Variants in POU6F2 observed in about 807,000 individuals in gnomAD.
POU6F2 encodes the protein POU domain, class 6, transcription factor 2.
In POU6F2, 31 loss-of-function variants were observed where a neutral mutation model predicts 71.3. That is an observed-to-expected ratio of 0.43 (90% CI 0.33 to 0.59). The LOEUF (loss-of-function observed/expected upper bound fraction) is 0.59, where lower values mean the gene tolerates loss of function less well. Ranked by LOEUF, POU6F2 falls within the 20% of genes least tolerant of loss-of-function variation. POU6F2 has a pLI of 0.04. For missense variants in POU6F2, 783 were observed against 856.8 expected (o/e 0.91, Z 1.07); for synonymous variants, 347 against 355.7 (o/e 0.98, Z 0.27).
chr7:39,430,397 C>A (rs1429465623), intron 6 of POU6F2, among the ~76,000 whole-genome samples: 1 of 152,208 alleles, frequency 6.6e-6, no homozygotes, highest in East Asian at 1.9e-4. Context: ...TCCTCTGGCT[C>A]TGACACTACT....
intron 5 of POU6F2, among the ~76,000 whole-genome samples, chr7:39,342,619 T>A (rs3823619): frequency 0.11 from 16,864 of 152,244 alleles, 1,176 homozygotes; most frequent in Non-Finnish European, 0.15. Flanking sequence ...AACAAAACTT[T>A]GGAGGACAAC....
At chr7:39,226,789 G>A (rs972689359) in intron 4 of POU6F2, among the ~76,000 whole-genome samples, 1 of 152,030 alleles carries the variant, frequency 6.6e-6, no homozygotes, top group African/African-American at 2.4e-5. Context: ...AGTGTTCTAG[G>A]AAAGAAAGGC....
chr7:39,341,393 C>T (rs560760949), intron 5 of POU6F2, among the ~76,000 whole-genome samples: 14 of 152,214 alleles, frequency 9.2e-5, no homozygotes, highest in Non-Finnish European at 1.9e-4. Flanking sequence ...GGTGAGACAA[C>T]GTAACACCTT....
chr7:39,390,124 A>T (rs2115830045), intron 5 of POU6F2, among the ~76,000 whole-genome samples: 1 of 152,324 alleles, frequency 6.6e-6, no homozygotes, highest in Middle Eastern at 3.4e-3. Context: ...AGCTGGGTGC[A>T]GTGGCTCACT....
intron 1 of POU6F2, among the ~76,000 whole-genome samples, chr7:39,012,470 T>G (rs1789320834): frequency 6.7e-6 from 1 of 149,996 alleles, no homozygotes; most frequent in Non-Finnish European, 1.5e-5. Context: ...TTGGTTTGAA[T>G]GTCCTCCCGT....
chr7:39,363,645 G>A (rs903542823), intron 5 of POU6F2, among the ~76,000 whole-genome samples: 2 of 148,706 alleles, frequency 1.3e-5, no homozygotes, highest in Admixed American at 6.8e-5. Flanking sequence ...AGAGAAATTG[G>A]CCTACGAGAT....
chr7:39,121,010 G>A (rs984462765), intron 2 of POU6F2: 6 of 148,786 alleles, frequency 4.0e-5, no homozygotes, highest in African/African-American at 1.2e-4. Context: ...TGTTACCCAC[G>A]GTGAAAAAAA....
chr7:39,230,463 G>A (rs1407399865), intron 4 of POU6F2, among the ~76,000 whole-genome samples: 1 of 150,910 alleles, frequency 6.6e-6, no homozygotes, highest in African/African-American at 2.4e-5. Context: ...CAGCCTGGGT[G>A]ACAGCATAAG....
chr7:38,989,827 T>TG (rs1788559667), intron 1 of POU6F2, among the ~76,000 whole-genome samples: 2 of 130,240 alleles, frequency 1.5e-5, no homozygotes, highest in East Asian at 2.5e-4. Flanking sequence ...GTGTGTGTGT[T>TG]TGTGTGTGTG....
At chr7:39,463,216 G>A in intron 9 of POU6F2, among the ~76,000 whole-genome samples, 1 of 152,124 alleles carries the variant, frequency 6.6e-6, no homozygotes, top group Admixed American at 6.5e-5. Context: ...TTGGTACCAG[G>A]GCGACTTCTT....
At chr7:39,437,776 C>G (rs1788285465) in intron 7 of POU6F2, among the ~76,000 whole-genome samples, 3 of 152,056 alleles carry the variant, frequency 2.0e-5, no homozygotes. Flanking sequence ...AAATTTCCCC[C>G]CTTAACACTG....
At chr7:39,275,889 A>T (rs1440214220) in intron 4 of POU6F2, among the ~76,000 whole-genome samples, 2 of 151,916 alleles carry the variant, frequency 1.3e-5, no homozygotes, top group African/African-American at 4.8e-5. Context: ...TACACCTTAT[A>T]CAAAAATTAA....
At chr7:39,195,845 T>C (rs1360043844) in intron 2 of POU6F2, among the ~76,000 whole-genome samples, 1 of 152,142 alleles carries the variant, frequency 6.6e-6, no homozygotes, top group African/African-American at 2.4e-5. Context: ...ATCACAGTAC[T>C]GTAATGCAGG....
intron 4 of POU6F2, among the ~76,000 whole-genome samples, chr7:39,338,870 T>A (rs536599796): frequency 6.6e-6 from 1 of 152,180 alleles, no homozygotes; most frequent in Non-Finnish European, 1.5e-5. Context: ...ACCTTTCTCA[T>A]AACAAGATCT....
At chr7:39,288,924 C>A (rs1046472346) in intron 4 of POU6F2, among the ~76,000 whole-genome samples, 11 of 152,212 alleles carry the variant, frequency 7.2e-5, no homozygotes, top group Admixed American at 2.6e-4. Context: ...CAAGACAGCA[C>A]ATTCCATCCT....
intron 2 of POU6F2, among the ~76,000 whole-genome samples, chr7:39,160,685 A>G (rs1285775255): frequency 6.6e-6 from 1 of 152,136 alleles, no homozygotes; most frequent in African/African-American, 2.4e-5. Flanking sequence ...AGCCTATTTC[A>G]TGAAGACTTT....
At chr7:39,045,204 G>T (rs1301136177) in intron 1 of POU6F2, among the ~76,000 whole-genome samples, 2 of 151,894 alleles carry the variant, frequency 1.3e-5, no homozygotes, top group Non-Finnish European at 2.9e-5. Flanking sequence ...TTCGCATCCC[G>T]TACCTATAGC....
intron 2 of POU6F2, among the ~76,000 whole-genome samples, chr7:39,134,373 C>CCTTCTTAGGGGATGCTGGTGCTGCT (rs1792348666): frequency 6.6e-6 from 1 of 152,118 alleles, no homozygotes; most frequent in Admixed American, 6.6e-5. Context: ...GGACCAGCAA[C>CCTTCTTAGGGGATGCTGGTGCTGCT]CTTCTTAGGG....
At chr7:39,126,665 G>C (rs546656010) in intron 2 of POU6F2, among the ~76,000 whole-genome samples, 1 of 152,016 alleles carries the variant, frequency 6.6e-6, no homozygotes, top group Non-Finnish European at 1.5e-5. Context: ...CCAAATTCTC[G>C]GTATATTGAT....
Sources: allele counts gnomAD v4.1 joint callset (sites outside exome capture counted in the v4.1 genomes callset), GRCh38; gene constraint gnomAD v4.1.1; transcripts MANE v1.5; gene names NCBI Gene and HGNC (gene_info 2026-07-23, HGNC 2026-07-21).